The following HHIP variants were observed in gnomAD, a reference collection of about 807,000 sequenced individuals.
The protein encoded by HHIP is hedgehog-interacting protein.
HHIP carries 12 observed loss-of-function variants against 74.0 expected under a neutral mutation model. The observed-to-expected ratio is 0.16, with a 90% CI of 0.10 to 0.26. HHIP has a LOEUF of 0.26. HHIP is among the 10% of genes least tolerant of loss of function. The probability of loss-of-function intolerance (pLI) is 1.00; values close to 1 mark genes in which losing one functional copy is unlikely to be tolerated. For missense variants in HHIP, 788 were observed against 845.0 expected, an observed-to-expected ratio of 0.93 and a Z score of 0.84; for synonymous variants, 309 against 311.6, an observed-to-expected ratio of 0.99 and a Z score of 0.09.
rs540747010 is a variant in HHIP, at chr4:144,743,585, G to A, written c.*5628G>A. The A allele has an allele frequency of 2.0e-5, 3 of 151,708 alleles. No homozygotes were observed. The South Asian group carries it at 6.2e-4, about 32-fold the overall frequency. The allele number at this position is 151,708 out of a possible 1,614,324, so 9.4% of individuals were successfully genotyped here. On this transcript the variant is annotated 3_prime_UTR_variant, in exon 13 of 13. Transcript: ENST00000296575. ...TAGGATTTCTTGGGGTTTTCTTTTT[G>A]CATATATAGATTATGTATTACTTAA...
chr4:144,652,111 TA>T (rs933354682), intron 1 of HHIP, among the ~76,000 whole-genome samples: 6 of 152,062 alleles, frequency 3.9e-5, no homozygotes, highest in Admixed American at 3.9e-4. Context: ...ATTGAAATTT[TA>T]AAAAAATGTA....
intron 11 of HHIP, among the ~76,000 whole-genome samples, chr4:144,734,194 T>C (rs1731043004): frequency 6.6e-6 from 1 of 151,312 alleles, no homozygotes; most frequent in Admixed American, 6.6e-5. Context: ...AGTCTAAAAA[T>C]ATTATCTCAA....
intron 9 of HHIP, 120 bp from the exon 10 acceptor site, chr4:144,715,180 T>A (rs1412359155): frequency 5.5e-6 from 5 of 906,078 alleles, no homozygotes; most frequent in Non-Finnish European, 6.7e-6. Flanking sequence ...ATTTTTCCCT[T>A]TAGAAGCCAG....
chr4:144,670,875 G>C (rs1396627077), intron 4 of HHIP, among the ~76,000 whole-genome samples: 1 of 151,864 alleles, frequency 6.6e-6, no homozygotes, highest in Non-Finnish European at 1.5e-5. Context: ...GAAAGCTGTG[G>C]TGATGAGGCT....
intron 1 of HHIP, 27 bp from the exon 2 acceptor site, chr4:144,652,578 A>T: frequency 6.8e-7 from 1 of 1,464,468 alleles, no homozygotes; most frequent in East Asian, 2.3e-5. Context: ...TACTAAAAAA[A>T]GTTTGCTTCT....
Position 144,696,683 on chromosome 4 carries a change from C to T in HHIP, c.832-9848C>T, listed in dbSNP as rs746124910. Among the ~76,000 whole-genome samples the T allele has an allele frequency of 9.9e-5, 15 of 152,066 alleles. No homozygotes were observed. In the South Asian group the frequency reaches 1.2e-3, roughly 13 times the overall value. On this transcript the variant is annotated intron_variant, in intron 4 of 12. Transcript: ENST00000296575. ...CTATTTAAGCATTTGGGGCAAGTTACTCAATTCCTCTATGCCTCTTGTTTC... is the reference window on the plus strand; with the variant it reads ...CTATTTAAGCATTTGGGGCAAGTTATTCAATTCCTCTATGCCTCTTGTTTC...
intron 4 of HHIP, among the ~76,000 whole-genome samples, chr4:144,662,483 A>G (rs1260644219): frequency 6.6e-6 from 1 of 152,266 alleles, no homozygotes; most frequent in Non-Finnish European, 1.5e-5. Context: ...AATGCAAAGC[A>G]CAAGCTAAAG....
At chr4:144,675,911 T>C (rs1423703605) in intron 4 of HHIP, among the ~76,000 whole-genome samples, 1 of 152,222 alleles carries the variant, frequency 6.6e-6, no homozygotes, top group Non-Finnish European at 1.5e-5. Flanking sequence ...TTGATATCAA[T>C]CCTTTGGAGG....
intron 2 of HHIP, among the ~76,000 whole-genome samples, chr4:144,655,212 T>C (rs539935127): frequency 5.8e-4 from 88 of 152,146 alleles, no homozygotes; most frequent in Non-Finnish European, 9.3e-4. Context: ...ATATAGTGAG[T>C]ATATACTAGA....
chr4:144,664,298 C>T (rs1467926007), intron 4 of HHIP, among the ~76,000 whole-genome samples: 1 of 152,198 alleles, frequency 6.6e-6, no homozygotes, highest in Non-Finnish European at 1.5e-5. Flanking sequence ...AGTCCCTGTG[C>T]CGGAAGTCAC....
chr4:144,673,534 A>G (rs1729098879), intron 4 of HHIP, among the ~76,000 whole-genome samples: 1 of 152,174 alleles, frequency 6.6e-6, no homozygotes, highest in Admixed American at 6.5e-5. Context: ...TGTTCCTCCT[A>G]GGAAATGCAC....
At chr4:144,702,956 C>T (rs1196909396) in intron 4 of HHIP, among the ~76,000 whole-genome samples, 3 of 152,128 alleles carry the variant, frequency 2.0e-5, no homozygotes, top group African/African-American at 7.2e-5. Context: ...GTGGCTCACG[C>T]CTGTAATCCC....
At position 144,674,437 on chromosome 4, in the gene HHIP, T is replaced by C. The variant is rs576728773; in HGVS notation, c.831+14599T>C. 3.3e-5 allele frequency among the ~76,000 whole-genome samples: 5 copies of C among 152,342 alleles called. No individual in the cohort carries two copies. The South Asian group carries it at 1.0e-3, about 32-fold the overall frequency. ...TATTTTTTAAGTCAACTTCCTTGGC[T>C]GGGTTTAAATGGCATCTTCATTTTT... is the stretch of plus-strand genomic sequence containing the variant. On this transcript the variant is annotated intron_variant, in intron 4 of 12. Coordinates refer to ENST00000296575, the MANE Select transcript of HHIP (RefSeq NM_022475.3).
Position 144,659,767 on chromosome 4 carries a change from C to T in HHIP, c.760C>T (p.Leu254Phe). 1 of 1,612,932 alleles carries T rather than the reference C, an allele frequency of 6.2e-7. No individual in the cohort carries two copies. Among genetic ancestry groups the T allele is most frequent in the Non-Finnish European group, 8.5e-7 (1 of 1,179,570 alleles). The change falls in exon 4 of 13, where the codon CTT becomes TTT. Residue 254 changes from leucine to phenylalanine, a missense_variant. This residue lies in a region of HHIP where 373 missense variants were observed against 366.4 expected (regional missense o/e 1.02). Transcript: ENST00000296575. ...GGAAAAAGAAGGTTATGTGAAGATA[C>T]TTACCCCTGAAGGAGAAATTTTCAA... ...ILEKEGYVKI[L>F]TPEGEIFKEP...
intron 4 of HHIP, among the ~76,000 whole-genome samples, chr4:144,690,335 A>G (rs1266437631): frequency 1.3e-5 from 2 of 152,214 alleles, no homozygotes; most frequent in African/African-American, 2.4e-5. Flanking sequence ...ACTGGTAGGT[A>G]TAATCAACAC....
chr4:144,704,821 G>A (rs1240202485), intron 4 of HHIP, among the ~76,000 whole-genome samples: 1 of 152,154 alleles, frequency 6.6e-6, no homozygotes, highest in African/African-American at 2.4e-5. Flanking sequence ...ATGTGCAGTG[G>A]CTTCTCTACA....
Position 144,658,936 on chromosome 4 carries a change from G to A in HHIP, c.619G>A (p.Glu207Lys), listed in dbSNP as rs201762216. The A allele has an allele frequency of 1.8e-5, 29 of 1,608,284 alleles. No individual in the cohort carries two copies. The highest frequency in any genetic ancestry group is 5.4e-5 in the African/African-American group (4 of 74,638). Residue 207 changes from glutamate (E) to lysine (K), a missense_variant, in exon 3 of 13, where the codon GAG becomes AAG. Glu to Lys is a moderately conservative substitution (Grantham distance 56). Around this residue, in one of 3 missense-constraint regions of HHIP, gnomAD observed 373 missense variants for 366.4 expected, o/e 1.02. Transcript: ENST00000296575. ...GATGGAAGAATATGACAAAGTGGAAGAGATCAGCAGGTTCATAAAGATAAA... is the reference window on the plus strand; with the variant it reads ...GATGGAAGAATATGACAAAGTGGAAAAGATCAGCAGGTTCATAAAGATAAA... ...DQMEEYDKVE[E>K]ISRKHKHNCF... is the part of the protein sequence containing the mutation.
At chr4:144,678,566 C>T (rs940924973) in intron 4 of HHIP, among the ~76,000 whole-genome samples, 21 of 152,020 alleles carry the variant, frequency 1.4e-4, no homozygotes, top group African/African-American at 7.2e-5. Context: ...TGACAGGCCT[C>T]GGTGTGTGAT....
intron 7 of HHIP, among the ~76,000 whole-genome samples, chr4:144,708,808 G>A (rs1461699423): frequency 1.3e-5 from 2 of 152,176 alleles, no homozygotes; most frequent in Admixed American, 1.3e-4. Flanking sequence ...TGCAATTCTT[G>A]TTATCATAGC....
Sources: gnomAD v4.1 joint callset for allele counts (sites outside exome capture counted in the v4.1 genomes callset) on GRCh38, gnomAD v4.1.1 for gene constraint, gnomAD v4.1.1 regional missense constraint, MANE v1.5 for transcripts, NCBI Gene and HGNC (gene_info 2026-07-23, HGNC 2026-07-21) for gene names.